Variants in GTF2B observed in about 807,000 individuals in gnomAD.
GTF2B encodes the protein transcription initiation factor IIB.
GTF2B carries 20 observed loss-of-function variants against 34.6 expected under a neutral mutation model. That is an observed-to-expected ratio of 0.58 (90% confidence interval 0.41 to 0.84). GTF2B has a LOEUF of 0.84. GTF2B is among the 40% of genes least tolerant of loss of function. The pLI, the probability that GTF2B is intolerant of heterozygous loss-of-function variation, is 0.00. For synonymous variants in GTF2B, 142 were observed against 132.4 expected, an observed-to-expected ratio of 1.07 and a Z score of -0.50; for missense variants, 237 against 393.3, an observed-to-expected ratio of 0.60 and a Z score of 3.36.
rs1165853280 is a variant in GTF2B at position 88,856,277 on chromosome 1, AAAAAAAAAAAAAAC to A, written c.817+915_817+928del. Among the ~76,000 whole-genome samples the A allele has an allele frequency of 6.5e-4, 82 of 126,858 alleles. 1 individual carries two copies. Among genetic ancestry groups the A allele is most frequent in the Middle Eastern group, 7.7e-3 (2 of 260 alleles). 83.2% of individuals were successfully genotyped at this position (126,858 alleles called of 152,430 possible). On this transcript the variant is annotated intron_variant, in intron 6 of 6. Transcript: ENST00000370500. ...GAGGGAGACTGTTTCAAAAACAAAAAAAAAAAAAAAAAACAAAAAAAAAAAAGGAAAAGAAATTC... is the reference window on the plus strand; with the variant it reads ...GAGGGAGACTGTTTCAAAAACAAAAAAAAAAAAAAAAAGGAAAAGAAATTC...
At position 88,891,538 on chromosome 1, in the gene GTF2B, G is replaced by C. The variant is rs377183422; in HGVS notation, c.-39C>G. 25 of 1,586,736 alleles carry C rather than the reference G, an allele frequency of 1.6e-5. No homozygotes were observed. Among genetic ancestry groups the C allele is most frequent in the South Asian group, 4.5e-5 (4 of 88,114 alleles). The stretch of plus-strand genomic sequence containing the variant: ...GCGGTGCCCGCAACAAGACACAACA[G>C]ACACACCGAAAGCAGGAAGCGAATG... On this transcript the variant is annotated 5_prime_UTR_variant, in exon 1 of 7. Transcript: ENST00000370500.
intron 2 of GTF2B, among the ~76,000 whole-genome samples, chr1:88,868,805 G>A (rs1046500209): frequency 1.3e-5 from 2 of 151,602 alleles, no homozygotes; most frequent in South Asian, 2.1e-4. Context: ...GCTCAATCTC[G>A]GCTCACTGCA....
chr1:88,858,689 T>G (rs1557653131), intron 5 of GTF2B: 6 of 152,170 alleles, frequency 3.9e-5, no homozygotes. Context: ...ACTGGATGAA[T>G]AAAGGGTTAA....
At position 88,859,544 on chromosome 1, in the gene GTF2B, G is replaced by A. The variant is rs139236371; in HGVS notation, c.535+338C>T. On this transcript the variant is annotated intron_variant, in intron 5 of 6. Coordinates refer to ENST00000370500, the MANE Select transcript of GTF2B (RefSeq NM_001514.6). ...GTTTCTTTAATATGATGTAGAAAAT[G>A]TTATTTTAGGATGGGCACAGTGCCT... Among the ~76,000 whole-genome samples, 3 of 152,292 alleles carry A rather than the reference G, an allele frequency of 2.0e-5. No homozygotes were observed. In the East Asian group the frequency reaches 5.8e-4, roughly 29 times the overall value.
chr1:88,873,182 GTTTTTTTTTTTT>G lies in GTF2B; in HGVS notation c.125-9080_125-9069del, dbSNP rs869087763. 8.1e-3 allele frequency among the ~76,000 whole-genome samples: 815 copies of G among 100,480 alleles called. 5 individuals carry two copies. The highest frequency in any genetic ancestry group is 0.031 in the African/African-American group (779 of 24,736). 65.9% of individuals were successfully genotyped at this position (100,480 alleles called of 152,430 possible). ...GAAACTTCCCACAGGATTCCATTAA[GTTTTTTTTTTTT>G]TTTTTTTTTTTTTGAGACAGAGTCT... On this transcript the variant is annotated intron_variant, in intron 2 of 6. Transcript: ENST00000370500.
intron 2 of GTF2B, 65 bp downstream of exon 2, chr1:88,887,196 G>T: frequency 1.9e-6 from 2 of 1,032,070 alleles, no homozygotes; most frequent in Non-Finnish European, 3.0e-6. Flanking sequence ...TGGAATTACA[G>T]GCGTGAGCCA....
chr1:88,891,504 A>G lies in GTF2B; in HGVS notation c.-5T>C, dbSNP rs1297565144. The stretch of plus-strand genomic sequence containing the variant: ...TAACCGGCTGGTAGACGCCATCTTC[A>G]CGGCGACTGCGGTGCCCGCAACAAG... On this transcript the variant is annotated 5_prime_UTR_variant, in exon 1 of 7. Transcript: ENST00000370500. 6.2e-7 allele frequency: 1 copy of G among 1,602,406 alleles called. No individual in the cohort carries two copies. Among genetic ancestry groups the G allele is most frequent in the Middle Eastern group, 1.7e-4 (1 of 6,044 alleles).
intron 6 of GTF2B, among the ~76,000 whole-genome samples, chr1:88,855,441 C>T (rs1673283520): frequency 6.6e-6 from 1 of 151,478 alleles, no homozygotes; most frequent in African/African-American, 2.4e-5. Context: ...CAACCTCTGC[C>T]TCCCAAGTTC....
At position 88,865,739 on chromosome 1, in the gene GTF2B, TA is replaced by T. The variant is rs538327289; in HGVS notation, c.125-1626del. On this transcript the variant is annotated intron_variant, in intron 2 of 6. Coordinates refer to ENST00000370500, the MANE Select transcript of GTF2B (RefSeq NM_001514.6). ...GGTGGCACATGCCTGTAATCCCAGC[TA>T]CTCAGGAGGCTAAGGCAGGAGAACT... 4.0e-4 allele frequency among the ~76,000 whole-genome samples: 61 copies of T among 151,398 alleles called. No individual in the cohort carries two copies. In the South Asian group the frequency reaches 4.4e-3, roughly 11 times the overall value.
At chr1:88,874,496 AATTTTT>A (rs1673769222) in intron 2 of GTF2B, among the ~76,000 whole-genome samples, 2 of 102,810 alleles carry the variant, frequency 1.9e-5, no homozygotes, top group African/African-American at 6.9e-5. Context: ...CAGCTAATTA[AATTTTT>A]TTTTTTTTTT....
At chr1:88,869,771 C>T (rs141911713) in intron 2 of GTF2B, among the ~76,000 whole-genome samples, 129 of 152,168 alleles carry the variant, frequency 8.5e-4, no homozygotes, top group African/African-American at 2.9e-3. Context: ...GGATTACAGG[C>T]GCCTGCCACC....
intron 2 of GTF2B, among the ~76,000 whole-genome samples, chr1:88,880,195 A>T (rs1464944789): frequency 6.6e-6 from 1 of 152,234 alleles, no homozygotes; most frequent in Non-Finnish European, 1.5e-5. Flanking sequence ...TGGCAAGCAT[A>T]ATCAATCATG....
intron 2 of GTF2B, among the ~76,000 whole-genome samples, chr1:88,865,799 T>C (rs13375221): frequency 0.087 from 13,099 of 151,044 alleles, 1,315 homozygotes; most frequent in African/African-American, 0.25. Context: ...TGTGGTGAAC[T>C]GAGATCGCAA....
chr1:88,852,998 C>T lies in GTF2B; in HGVS notation c.*215G>A, dbSNP rs1673225606. The T allele has an allele frequency of 2.1e-6, 1 of 473,808 alleles. No individual in the cohort carries two copies. The highest frequency in any genetic ancestry group is 3.7e-6 in the Non-Finnish European group (1 of 268,092). 29.4% of individuals were successfully genotyped at this position (473,808 alleles called of 1,614,324 possible). On this transcript the variant is annotated 3_prime_UTR_variant, in exon 7 of 7. Transcript: ENST00000370500. ...CAAATATCTTCCAAAATACAGTTTC[C>T]TAGATTGCTACAAAAGAAATTTGAT...
rs145490493 is a variant in GTF2B, at chr1:88,872,181, C to T, written c.125-8067G>A. 7.7e-3 allele frequency among the ~76,000 whole-genome samples: 1,167 copies of T among 151,912 alleles called. 6 individuals carry two copies. Among genetic ancestry groups the T allele is most frequent in the African/African-American group, 0.026 (1,080 of 41,418 alleles). ...GAAAGTAACCTTTTTAGGCCGGGTGCGGTGGCTCACGCCTGTAATCCTAGC... is the reference window on the plus strand; with the variant it reads ...GAAAGTAACCTTTTTAGGCCGGGTGTGGTGGCTCACGCCTGTAATCCTAGC... On this transcript the variant is annotated intron_variant, in intron 2 of 6. Coordinates refer to ENST00000370500, the MANE Select transcript of GTF2B (RefSeq NM_001514.6).
chr1:88,872,668 G>C (rs1333860691), intron 2 of GTF2B, among the ~76,000 whole-genome samples: 1 of 152,012 alleles, frequency 6.6e-6, no homozygotes, highest in Non-Finnish European at 1.5e-5. Context: ...ACCACAATGG[G>C]TACCTTGTCT....
rs142654541 is a variant in GTF2B, at chr1:88,886,028, T to C, written c.124+1233A>G. On this transcript the variant is annotated intron_variant, in intron 2 of 6. Transcript: ENST00000370500. Reference sequence around the variant, plus strand: ...ATCTGTAAAATGAAGATAATGGTAGTACTCACCTCACAGGTTTGTTGTGAG... The same window carrying C: ...ATCTGTAAAATGAAGATAATGGTAGCACTCACCTCACAGGTTTGTTGTGAG... 1.4e-4 allele frequency among the ~76,000 whole-genome samples: 21 copies of C among 152,348 alleles called. No individual in the cohort carries two copies. In the East Asian group the frequency reaches 4.0e-3, roughly 29 times the overall value.
At chr1:88,885,686 G>A (rs1674050680) in intron 2 of GTF2B, among the ~76,000 whole-genome samples, 1 of 152,032 alleles carries the variant, frequency 6.6e-6, no homozygotes, top group Non-Finnish European at 1.5e-5. Context: ...GGAGGCGGAG[G>A]TTGTGGTGAA....
At chr1:88,870,008 A>G (rs1433754348) in intron 2 of GTF2B, among the ~76,000 whole-genome samples, 2 of 151,226 alleles carry the variant, frequency 1.3e-5, no homozygotes, top group Non-Finnish European at 2.9e-5. Flanking sequence ...GCTCACTGCA[A>G]GCTCCACCTC....
Sources: allele counts gnomAD v4.1 joint callset (sites outside exome capture counted in the v4.1 genomes callset), GRCh38; gene constraint gnomAD v4.1.1; transcripts MANE v1.5; gene names NCBI Gene and HGNC (gene_info 2026-07-23, HGNC 2026-07-21).